The following RSRC1 variants were observed in gnomAD, a reference collection of about 807,000 sequenced individuals.
The protein encoded by RSRC1 is arginine and serine rich coiled-coil 1.
RSRC1 carries 39 observed loss-of-function variants against 49.1 expected under a neutral mutation model. The observed-to-expected ratio is 0.79, with a 90% CI of 0.61 to 1.04. The LOEUF is 1.04. Among genes scored for constraint, RSRC1 ranks in the 50% least tolerant of loss-of-function variants. The pLI is 0.00. For synonymous variants in RSRC1, 143 were observed against 130.8 expected, an observed-to-expected ratio of 1.09 and a Z score of -0.63; for missense variants, 388 against 402.4, an observed-to-expected ratio of 0.96 and a Z score of 0.31.
chr3:158,443,330 G>A (rs1363588705), intron 6 of RSRC1, among the ~76,000 whole-genome samples: 3 of 152,110 alleles, frequency 2.0e-5, no homozygotes, highest in Admixed American at 1.3e-4. Flanking sequence ...TAGCGTAGCC[G>A]CCTTCATCAA....
At chr3:158,541,871 C>T (rs1250642014) in intron 8 of RSRC1, among the ~76,000 whole-genome samples, 5 of 151,948 alleles carry the variant, frequency 3.3e-5, no homozygotes, top group Non-Finnish European at 7.4e-5. Flanking sequence ...TGAAATGTAA[C>T]TAAGTAAGCA....
chr3:158,216,831 A>T (rs1185564616), intron 4 of RSRC1, among the ~76,000 whole-genome samples: 1 of 151,648 alleles, frequency 6.6e-6, no homozygotes, highest in South Asian at 2.1e-4. Flanking sequence ...TTTATTTTGA[A>T]CTAAGTAAAT....
intron 3 of RSRC1, among the ~76,000 whole-genome samples, chr3:158,170,099 T>C (rs1393615461): frequency 2.6e-5 from 4 of 152,162 alleles, no homozygotes; most frequent in Non-Finnish European, 2.9e-5. Flanking sequence ...GTGAAATTTA[T>C]TGGAGAGTTT....
chr3:158,354,864 C>A lies in RSRC1; in HGVS notation c.539C>A (p.Ala180Asp). 1 of 1,552,128 alleles carries A rather than the reference C, an allele frequency of 6.4e-7. No homozygotes were observed. Among genetic ancestry groups the A allele is most frequent in the Non-Finnish European group, 8.7e-7 (1 of 1,151,862 alleles). Residue 180 changes from alanine (A) to aspartate (D), a missense_variant, in exon 6 of 10, where the codon GCT becomes GAT. By Grantham distance (126) the Ala-to-Asp change is moderately radical. Transcript: ENST00000611884. Reference protein sequence around the residue: ...IKAGLEHLPPAEQAKARLQLV... With the variant: ...IKAGLEHLPPDEQAKARLQLV... ...TTTTTTTTTCTTTTTTAGCCACCAG[C>A]TGAACAGGCCAAAGCCAGACTACAG...
At chr3:158,147,283 C>G (rs1717201231) in intron 3 of RSRC1, among the ~76,000 whole-genome samples, 1 of 151,774 alleles carries the variant, frequency 6.6e-6, no homozygotes, top group South Asian at 2.1e-4. Context: ...CTCTGTCACC[C>G]AGGTTTGAAT....
chr3:158,295,873 G>A (rs1727206321), intron 4 of RSRC1, among the ~76,000 whole-genome samples: 1 of 151,976 alleles, frequency 6.6e-6, no homozygotes, highest in South Asian at 2.1e-4. Context: ...CTAAGATTGT[G>A]GCAGACACAG....
chr3:158,540,990 C>G (rs892796452), intron 8 of RSRC1, among the ~76,000 whole-genome samples: 1 of 152,330 alleles, frequency 6.6e-6, no homozygotes, highest in South Asian at 2.1e-4. Context: ...TATGAGGGCA[C>G]TTTCCTGCTG....
intron 6 of RSRC1, among the ~76,000 whole-genome samples, chr3:158,360,599 T>A (rs1278583213): frequency 6.6e-6 from 1 of 152,190 alleles, no homozygotes. Flanking sequence ...GTGCCCAAAG[T>A]CTGGAGGGGG....
intron 3 of RSRC1, among the ~76,000 whole-genome samples, chr3:158,127,613 T>G (rs1715711167): frequency 6.6e-6 from 1 of 152,058 alleles, no homozygotes. Flanking sequence ...TGTGTTCTTT[T>G]TTGGATCATT....
At position 158,324,057 on chromosome 3, in the gene RSRC1, G is replaced by C. The variant is rs138462836; in HGVS notation, c.531+25982G>C. Among the ~76,000 whole-genome samples the C allele has an allele frequency of 2.0e-5, 3 of 152,128 alleles. No individual in the cohort carries two copies. The East Asian group carries it at 5.8e-4, about 29-fold the overall frequency. ...TGGTAAAAATTTTCATATAATTTTTGCTAAAATATTTTATTTTTTTGGAAA... is the reference window on the plus strand; with the variant it reads ...TGGTAAAAATTTTCATATAATTTTTCCTAAAATATTTTATTTTTTTGGAAA... On this transcript the variant is annotated intron_variant, in intron 5 of 9. Transcript: ENST00000611884.
chr3:158,118,622 G>A (rs558669131), intron 1 of RSRC1, among the ~76,000 whole-genome samples: 1 of 152,170 alleles, frequency 6.6e-6, no homozygotes, highest in African/African-American at 2.4e-5. Context: ...TCTTCTGTAT[G>A]TTCTGGTTTA....
intron 3 of RSRC1, among the ~76,000 whole-genome samples, chr3:158,168,743 G>T (rs1392182889): frequency 1.3e-5 from 2 of 152,150 alleles, no homozygotes; most frequent in Admixed American, 6.5e-5. Context: ...TTTCTTGGCT[G>T]TAGAACTAGT....
intron 7 of RSRC1, among the ~76,000 whole-genome samples, chr3:158,497,658 A>G (rs1345004310): frequency 6.6e-6 from 1 of 151,850 alleles, no homozygotes; most frequent in African/African-American, 2.4e-5. Flanking sequence ...GATGACCTCG[A>G]TCTCTTGACC....
rs1483035730 is a variant in RSRC1, at chr3:158,178,705, T to G, written c.321-24367T>G. ...TCTGTAGACATGATCATTGGAATTTTTTGGGGATTACATTAAATTTGTGAA... is the reference window on the plus strand; with the variant it reads ...TCTGTAGACATGATCATTGGAATTTGTTGGGGATTACATTAAATTTGTGAA... On this transcript the variant is annotated intron_variant, in intron 3 of 9. Coordinates refer to ENST00000611884, the MANE Select transcript of RSRC1 (RefSeq NM_001271838.2). Among the ~76,000 whole-genome samples the G allele has an allele frequency of 2.6e-5, 4 of 152,306 alleles. No homozygotes were observed. The East Asian group carries it at 7.7e-4, about 29-fold the overall frequency.
chr3:158,366,777 A>G (rs1034764438), intron 6 of RSRC1, among the ~76,000 whole-genome samples: 1 of 152,184 alleles, frequency 6.6e-6, no homozygotes, highest in African/African-American at 2.4e-5. Context: ...CTTCCTATCC[A>G]TGAGCATGGA....
intron 8 of RSRC1, among the ~76,000 whole-genome samples, chr3:158,542,177 A>G (rs906542613): frequency 6.6e-6 from 1 of 152,228 alleles, no homozygotes; most frequent in African/African-American, 2.4e-5. Flanking sequence ...ACAATGGGAC[A>G]TTATTTAGCA....
chr3:158,267,730 G>A (rs1725271244), intron 4 of RSRC1, among the ~76,000 whole-genome samples: 1 of 151,530 alleles, frequency 6.6e-6, no homozygotes, highest in Non-Finnish European at 1.5e-5. Context: ...TCCATTCATT[G>A]ACACTATTTT....
chr3:158,194,508 TA>T (rs1175289041), intron 3 of RSRC1, among the ~76,000 whole-genome samples: 23 of 150,442 alleles, frequency 1.5e-4, no homozygotes, highest in East Asian at 5.8e-4. Flanking sequence ...TTTTTTTTTT[TA>T]ATTATACATT....
At chr3:158,261,793 C>T (rs1201556852) in intron 4 of RSRC1, among the ~76,000 whole-genome samples, 1 of 152,208 alleles carries the variant, frequency 6.6e-6, no homozygotes, top group Non-Finnish European at 1.5e-5. Flanking sequence ...CCCATCACCA[C>T]CAGATGGAAC....
Sources: allele counts gnomAD v4.1 joint callset (sites outside exome capture counted in the v4.1 genomes callset), GRCh38; gene constraint gnomAD v4.1.1; transcripts MANE v1.5; gene names NCBI Gene and HGNC (gene_info 2026-07-23, HGNC 2026-07-21).